The following PCNT variants were observed in gnomAD, a reference collection of about 807,000 sequenced individuals.
The protein encoded by PCNT is kendrin.
Under a neutral mutation model 380.4 loss-of-function variants are expected in PCNT, and 319 were observed. That is an observed-to-expected ratio of 0.84 (90% confidence interval 0.77 to 0.92). The LOEUF is 0.92. Among genes scored for constraint, PCNT ranks in the 40% least tolerant of loss-of-function variants. PCNT has a pLI of 0.00. For missense variants in PCNT, 4,400 were observed against 4,255.3 expected, an observed-to-expected ratio of 1.03 and a Z score of -0.95; for synonymous variants, 1,845 against 1,735.2, an observed-to-expected ratio of 1.06 and a Z score of -1.57.
rs770667557 is a variant in PCNT at position 46,411,656 on chromosome 21, G to A, written c.5583G>A (p.Ala1861=). The A allele has an allele frequency of 1.4e-5, 22 of 1,613,056 alleles. No homozygotes were observed. The highest frequency in any genetic ancestry group is 5.5e-5 in the South Asian group (5 of 91,090). Residue 1861 remains alanine, a synonymous_variant, in exon 28 of 47, where the codon GCG becomes GCA. Coordinates refer to ENST00000359568, the MANE Select transcript of PCNT (RefSeq NM_006031.6). The part of the protein sequence containing the change: ...DMASRIQEFE[A]ALKAKEATIA... ...CCTCCCGGATCCAGGAGTTCGAAGC[G>A]GCCCTGAAAGCAAAGGAAGCGACGA...
chr21:46,440,220 AG>A lies in PCNT; in HGVS notation c.9393+19del. On this transcript the variant is annotated intron_variant, in intron 42 of 46. Transcript: ENST00000359568. ...ATGTCAAGGTAGGAACGGTGCCACG[AG>A]TATAGAACTTTGGTGCTTTTTTAAG... 1 of 1,613,532 alleles carries A rather than the reference AG, an allele frequency of 6.2e-7. No homozygotes were observed. The highest frequency in any genetic ancestry group is 8.5e-7 in the Non-Finnish European group (1 of 1,179,994).
chr21:46,324,461 C>T (rs2146189944), intron 1 of PCNT, among the ~76,000 whole-genome samples, 179 bp downstream of exon 1: 1 of 151,650 alleles, frequency 6.6e-6, no homozygotes, highest in Admixed American at 6.6e-5. Flanking sequence ...ATCTTGAATC[C>T]GCCGCTCTCC....
In PCNT at chr21:46,386,349, A is replaced by G. The variant is rs544280061; in HGVS notation, c.3464+366A>G. 8.5e-5 allele frequency among the ~76,000 whole-genome samples: 13 copies of G among 152,252 alleles called. No homozygotes were observed. In the South Asian group the frequency reaches 2.7e-3, roughly 32 times the overall value. On this transcript the variant is annotated intron_variant, in intron 17 of 46. Transcript: ENST00000359568. ...CGTCCCCGGCACGGGGTGCAGGCCC[A>G]CATGTCTCGTGGTTCCTGTGCTTTG...
chr21:46,422,149 A>G (rs766433439), intron 32 of PCNT, 25 bp downstream of exon 32: 2 of 1,612,320 alleles, frequency 1.2e-6, no homozygotes, highest in Non-Finnish European at 1.7e-6. Flanking sequence ...GGCGGCCCTC[A>G]CAGCTTCACA....
rs1285473214 is a variant in PCNT, at chr21:46,383,163, C to T, written c.3312+1323C>T. Among the ~76,000 whole-genome samples, 51 of 147,954 alleles carry T rather than the reference C, an allele frequency of 3.4e-4. 1 individual carries two copies. Among genetic ancestry groups the T allele is most frequent in the Non-Finnish European group, 6.3e-4 (42 of 66,580 alleles). ...GGTGTTGTGCATTCAGTGGCGGAAG[C>T]GCATTCACAGTGTTGTATATTCAGT... On this transcript the variant is annotated intron_variant, in intron 16 of 46. Transcript: ENST00000359568.
At chr21:46,362,044 T>G (rs965992140) in intron 13 of PCNT, among the ~76,000 whole-genome samples, 1 of 151,962 alleles carries the variant, frequency 6.6e-6, no homozygotes. Context: ...CTCTGGAGAG[T>G]GTTGGTTTTC....
At chr21:46,383,958 A>G (rs552177814) in intron 16 of PCNT, among the ~76,000 whole-genome samples, 8 of 142,100 alleles carry the variant, frequency 5.6e-5, no homozygotes, top group African/African-American at 1.6e-4. Context: ...AGTGTTGTAT[A>G]TTCAGTGGCG....
chr21:46,438,429 G>A (rs932551970), intron 41 of PCNT, 92 bp downstream of exon 41: 3 of 1,158,218 alleles, frequency 2.6e-6, no homozygotes, highest in Non-Finnish European at 3.9e-6. Flanking sequence ...CTCCCTTTAG[G>A]GACCTGGGGA....
intron 32 of PCNT, among the ~76,000 whole-genome samples, chr21:46,424,008 G>A (rs905250674): frequency 6.6e-6 from 1 of 152,178 alleles, no homozygotes; most frequent in Admixed American, 6.5e-5. Flanking sequence ...GTGTTTTAGA[G>A]TGTGGAGCCC....
chr21:46,429,897 T>C lies in PCNT; in HGVS notation c.7691-113T>C, dbSNP rs924964045. The C allele has an allele frequency of 5.0e-6, 4 of 793,652 alleles. No individual in the cohort carries two copies. In the African/African-American group the frequency reaches 6.9e-5, roughly 14 times the overall value. 49.2% of individuals were successfully genotyped at this position (793,652 alleles called of 1,614,324 possible). On this transcript the variant is annotated intron_variant, in intron 35 of 46. Coordinates refer to ENST00000359568, the MANE Select transcript of PCNT (RefSeq NM_006031.6). ...AGCTTCTAGTCCACAGAACCTCCTT[T>C]CTTCCCGAAGCACATACACCTCACG...
At chr21:46,372,021 CAGCACATACAT>C (rs1912307576) in intron 15 of PCNT, among the ~76,000 whole-genome samples, 1 of 149,322 alleles carries the variant, frequency 6.7e-6, no homozygotes, top group African/African-American at 2.5e-5. Context: ...TGCACACACA[CAGCACATACAT>C]GCAGCACTCA....
chr21:46,389,855 G>C (rs2085971778), intron 19 of PCNT, among the ~76,000 whole-genome samples: 1 of 152,216 alleles, frequency 6.6e-6, no homozygotes, highest in Non-Finnish European at 1.5e-5. Flanking sequence ...GGCTAAGGTA[G>C]GAGGTTCACT....
intron 27 of PCNT, among the ~76,000 whole-genome samples, chr21:46,409,581 A>G (rs530682204): frequency 6.6e-6 from 1 of 152,296 alleles, no homozygotes; most frequent in African/African-American, 2.4e-5. Flanking sequence ...CTCCTTGAAT[A>G]TGCTTGCATA....
At chr21:46,400,100 TA>T (rs1305060928) in intron 25 of PCNT, among the ~76,000 whole-genome samples, 8 of 152,348 alleles carry the variant, frequency 5.3e-5, no homozygotes, top group Admixed American at 3.3e-4. Context: ...ATTTTAGGTT[TA>T]AAAAAATCTT....
At chr21:46,355,822 G>A (rs1156441859) in intron 12 of PCNT, among the ~76,000 whole-genome samples, 196 bp downstream of exon 12, 4 of 152,206 alleles carry the variant, frequency 2.6e-5, no homozygotes, top group African/African-American at 9.6e-5. Context: ...CACTGGCTGG[G>A]CAGGAGTGCG....
chr21:46,380,899 T>A (rs2085508431), intron 15 of PCNT, among the ~76,000 whole-genome samples: 1 of 152,172 alleles, frequency 6.6e-6, no homozygotes, highest in South Asian at 2.1e-4. Flanking sequence ...GTGCAGTGGC[T>A]CACACCTGTA....
At chr21:46,346,039 T>C in intron 3 of PCNT, 89 bp from the exon 4 acceptor site, 2 of 1,279,626 alleles carry the variant, frequency 1.6e-6, no homozygotes, top group South Asian at 1.2e-5. Context: ...AACGGGGTTT[T>C]GTGAGGACGT....
At chr21:46,324,938 G>T (rs1379525165) in intron 1 of PCNT, 1 of 985,366 alleles carries the variant, frequency 1.0e-6, no homozygotes, top group Non-Finnish European at 1.2e-6. Flanking sequence ...CCCGGCCGCC[G>T]TCTTCTTCCC....
rs1602027134 is a variant in PCNT at position 46,416,055 on chromosome 21, T to C, written c.6151-14T>C. 2 of 1,613,866 alleles carry C rather than the reference T, an allele frequency of 1.2e-6. No individual in the cohort carries two copies. The highest frequency in any genetic ancestry group is 1.7e-6 in the Non-Finnish European group (2 of 1,179,984). On this transcript the variant is annotated splice_polypyrimidine_tract_variant and intron_variant, in intron 29 of 46. Transcript: ENST00000359568. ...CAGGTATTCCACCGTGCACCTGTTC[T>C]GTTTCACCTGCAGGGTAAAGAAAAA...
Sources: gnomAD v4.1 joint callset for allele counts (sites outside exome capture counted in the v4.1 genomes callset) on GRCh38, gnomAD v4.1.1 for gene constraint, MANE v1.5 for transcripts, NCBI Gene and HGNC (gene_info 2026-07-23, HGNC 2026-07-21) for gene names.